The following POLH variants were observed in gnomAD, a reference collection of about 807,000 sequenced individuals.
POLH encodes DNA polymerase eta transcript.
Under a neutral mutation model 73.6 loss-of-function variants are expected in POLH, and 53 were observed. That is an observed-to-expected ratio of 0.72 (90% CI 0.58 to 0.91). The LOEUF is 0.91. POLH is among the 40% of genes least tolerant of loss of function. POLH has a pLI of 0.00. For synonymous variants in POLH, 292 were observed against 308.5 expected (o/e 0.95, Z 0.56); for missense variants, 768 against 865.4 (o/e 0.89, Z 1.41).
Position 43,614,659 on chromosome 6 carries a change from T to C in POLH, c.*102T>C, listed in dbSNP as rs530324979. The C allele has an allele frequency of 6.4e-6, 7 of 1,100,958 alleles. No individual in the cohort carries two copies. Among genetic ancestry groups the C allele is most frequent in the East Asian group, 5.2e-5 (2 of 38,764 alleles). The allele number at this position is 1,100,958 out of a possible 1,614,324, so 68.2% of individuals were successfully genotyped here. On this transcript the variant is annotated 3_prime_UTR_variant, in exon 11 of 11. Coordinates refer to ENST00000372236, the MANE Select transcript of POLH (RefSeq NM_006502.3). ...CAGATTTCCCTGAGAAAGGGAATTA[T>C]GAAATTTTTAATACAAAAAATAATC...
At chr6:43,586,050 G>T (rs1764791454) in intron 3 of POLH, among the ~76,000 whole-genome samples, 1 of 151,658 alleles carries the variant, frequency 6.6e-6, no homozygotes, top group Non-Finnish European at 1.5e-5. Context: ...GAGTGTTTTA[G>T]AACAATAATT....
chr6:43,605,817 A>G (rs1314040906), intron 9 of POLH, among the ~76,000 whole-genome samples: 1 of 151,942 alleles, frequency 6.6e-6, no homozygotes, highest in South Asian at 2.1e-4. Context: ...CTCTGGGTTC[A>G]AGTGATTCTC....
chr6:43,609,715 G>GA (rs879353275), intron 9 of POLH, among the ~76,000 whole-genome samples: 2 of 152,064 alleles, frequency 1.3e-5, no homozygotes, highest in Admixed American at 6.6e-5. Context: ...CCCCAGGGCA[G>GA]AAAAAAAGAT....
chr6:43,607,840 ATGTT>A (rs1767465487), intron 9 of POLH, among the ~76,000 whole-genome samples: 2 of 152,128 alleles, frequency 1.3e-5, no homozygotes, highest in Admixed American at 6.6e-5. Context: ...CTTTGGGGAA[ATGTT>A]TGTTGAAATC....
chr6:43,597,026 T>C (rs1766137792), intron 4 of POLH, among the ~76,000 whole-genome samples: 1 of 152,168 alleles, frequency 6.6e-6, no homozygotes, highest in Admixed American at 6.5e-5. Flanking sequence ...GAAAAAAATA[T>C]TCTTGGAGAA....
chr6:43,596,309 C>A (rs906742817), intron 4 of POLH, among the ~76,000 whole-genome samples: 1 of 152,068 alleles, frequency 6.6e-6, no homozygotes, highest in Admixed American at 6.6e-5. Context: ...CGGTGAAACC[C>A]CATCTCTACT....
rs924534839 is a variant in POLH at position 43,616,422 on chromosome 6, C to T, written c.*1865C>T. Among the ~76,000 whole-genome samples, 1 of 149,232 alleles carries T rather than the reference C, an allele frequency of 6.7e-6. No homozygotes were observed. Among genetic ancestry groups the T allele is most frequent in the Non-Finnish European group, 1.5e-5 (1 of 67,476 alleles). On this transcript the variant is annotated 3_prime_UTR_variant, in exon 11 of 11. Transcript: ENST00000372236. ...CAGCCTGGGCAAGGTGGCAAAACCC[C>T]GTCTCTACTAAAAAAAATTAGCTGG...
At chr6:43,590,715 G>A (rs915874615) in intron 4 of POLH, among the ~76,000 whole-genome samples, 2 of 152,082 alleles carry the variant, frequency 1.3e-5, no homozygotes, top group South Asian at 2.1e-4. Context: ...CTGAGGTCAG[G>A]AGTTCAAGAC....
At chr6:43,580,149 A>G (rs2127768134) in intron 1 of POLH, among the ~76,000 whole-genome samples, 1 of 148,826 alleles carries the variant, frequency 6.7e-6, no homozygotes, top group Non-Finnish European at 1.5e-5. Context: ...TGTTTAACAA[A>G]GCACATCTTA....
intron 3 of POLH, among the ~76,000 whole-genome samples, chr6:43,585,195 G>A (rs943912627): frequency 1.3e-5 from 2 of 152,136 alleles, no homozygotes; most frequent in African/African-American, 4.8e-5. Flanking sequence ...AGCAAGGCAT[G>A]TGAGAAGGGG....
intron 6 of POLH, among the ~76,000 whole-genome samples, chr6:43,602,752 C>A (rs1766871175): frequency 6.6e-6 from 1 of 151,142 alleles, no homozygotes; most frequent in Admixed American, 6.6e-5. Flanking sequence ...ACTGTAGCCT[C>A]CACCTCCTGG....
rs962261793 is a variant in POLH at position 43,617,639 on chromosome 6, C to T, written c.*3082C>T. Among the ~76,000 whole-genome samples the T allele has an allele frequency of 6.6e-6, 1 of 151,440 alleles. No individual in the cohort carries two copies. The highest frequency in any genetic ancestry group is 2.4e-5 in the African/African-American group (1 of 41,170). On this transcript the variant is annotated 3_prime_UTR_variant, in exon 11 of 11. Transcript: ENST00000372236. ...GACACTGTTTAAAAAAAAAAAAATT[C>T]CCAATGTGGGCCGGGTGCAGTGGCT...
At position 43,616,129 on chromosome 6, in the gene POLH, A is replaced by G. The variant is rs1386095100; in HGVS notation, c.*1572A>G. Among the ~76,000 whole-genome samples, 5 of 152,090 alleles carry G rather than the reference A, an allele frequency of 3.3e-5. No homozygotes were observed. The highest frequency in any genetic ancestry group is 7.4e-5 in the Non-Finnish European group (5 of 67,962). On this transcript the variant is annotated 3_prime_UTR_variant, in exon 11 of 11. Transcript: ENST00000372236. The stretch of plus-strand genomic sequence containing the variant: ...GTCTCTACTAAAAAATACAAAAAAA[A>G]ATTAGCCGGGTGCGGTGGCAGGCGC...
intron 4 of POLH, among the ~76,000 whole-genome samples, chr6:43,593,619 C>T (rs987335198): frequency 1.3e-5 from 2 of 151,990 alleles, no homozygotes; most frequent in Non-Finnish European, 2.9e-5. Flanking sequence ...CAGTGGCTCA[C>T]GCCTGTAATC....
chr6:43,601,919 G>A lies in POLH; in HGVS notation c.764+828G>A, dbSNP rs138394625. 7.9e-3 allele frequency among the ~76,000 whole-genome samples: 1,210 copies of A among 152,276 alleles called. 9 individuals carry two copies. The highest frequency in any genetic ancestry group is 0.028 in the African/African-American group (1,156 of 41,562). On this transcript the variant is annotated intron_variant, in intron 6 of 10. Transcript: ENST00000372236. Reference sequence around the variant, plus strand: ...CTAAAAATACAAAAATTAGCTGAGCGTGGTGGCGGGTGCCTGTAATCCTAG... The same window carrying A: ...CTAAAAATACAAAAATTAGCTGAGCATGGTGGCGGGTGCCTGTAATCCTAG...
chr6:43,597,803 A>T lies in POLH; in HGVS notation c.598A>T (p.Met200Leu), dbSNP rs1382799061. ...CGTGGGAGCAGTGATTGTGGAGGAA[A>T]TGAGAGCAGCCATAGAGAGGGAGAC... is the stretch of plus-strand genomic sequence containing the variant. The part of the protein sequence containing the change: ...LTVGAVIVEE[M>L]RAAIERETGF... The change falls in exon 5 of 11, where the codon ATG becomes TTG. Residue 200 changes from methionine (M) to leucine (L), a missense_variant. By Grantham distance (15) the Met-to-Leu change is conservative. Coordinates refer to ENST00000372236, the MANE Select transcript of POLH (RefSeq NM_006502.3). 4.3e-6 allele frequency: 7 copies of T among 1,613,924 alleles called. No homozygotes were observed. In the African/African-American group the frequency reaches 5.3e-5, roughly 12 times the overall value.
At chr6:43,599,652 G>A (rs1365146931) in intron 5 of POLH, among the ~76,000 whole-genome samples, 2 of 147,592 alleles carry the variant, frequency 1.4e-5, no homozygotes, top group Non-Finnish European at 3.0e-5. Context: ...TTTTTTTCCT[G>A]GTTGGATGAA....
intron 7 of POLH, among the ~76,000 whole-genome samples, chr6:43,604,268 C>T (rs1339760862): frequency 6.6e-6 from 1 of 152,162 alleles, no homozygotes; most frequent in Non-Finnish European, 1.5e-5. Flanking sequence ...TTACATCATT[C>T]ATGCATGCTG....
intron 1 of POLH, among the ~76,000 whole-genome samples, chr6:43,581,617 CGCGGCGGCAAAG>C (rs1764234900): frequency 2.7e-5 from 4 of 146,920 alleles, no homozygotes; most frequent in Admixed American, 2.6e-4. Flanking sequence ...CGCTCGCCGG[CGCGGCGGCAAAG>C]ACTGAGACAG....
Sources: allele counts gnomAD v4.1 joint callset (sites outside exome capture counted in the v4.1 genomes callset), GRCh38; gene constraint gnomAD v4.1.1; transcripts MANE v1.5; gene names NCBI Gene and HGNC (gene_info 2026-07-23, HGNC 2026-07-21).